The following CACNB2 variants were observed in gnomAD, a reference collection of about 807,000 sequenced individuals.
CACNB2 encodes calcium voltage-gated channel auxiliary subunit beta 2.
Under a neutral mutation model 73.3 loss-of-function variants are expected in CACNB2, and 42 were observed. That is an observed-to-expected ratio of 0.57 (90% confidence interval 0.45 to 0.74). CACNB2 has a LOEUF of 0.74. Ranked by LOEUF, CACNB2 falls within the 30% of genes least tolerant of loss-of-function variation. The pLI is 0.00. For missense variants in CACNB2, 940 were observed against 853.0 expected (o/e 1.10, Z -1.27); for synonymous variants, 348 against 310.3 (o/e 1.12, Z -1.28).
chr10:18,273,876 T>C (rs1308235693), intron 2 of CACNB2, among the ~76,000 whole-genome samples: 2 of 152,220 alleles, frequency 1.3e-5, no homozygotes, highest in Non-Finnish European at 2.9e-5. Flanking sequence ...TTTCATTCCT[T>C]TCAAGGTACA....
chr10:18,360,289 A>G (rs150399768), intron 2 of CACNB2, among the ~76,000 whole-genome samples: 35 of 152,284 alleles, frequency 2.3e-4, no homozygotes, highest in African/African-American at 8.2e-4. Context: ...CAGTAGAGCA[A>G]TAATTACAGC....
intron 3 of CACNB2, among the ~76,000 whole-genome samples, chr10:18,481,192 C>CCATATATATA (rs1228539443): frequency 2.7e-4 from 10 of 36,702 alleles, no homozygotes; most frequent in East Asian, 1.3e-3. Flanking sequence ...TACATCTTCG[C>CCATATATATA]TATATATATA....
rs2049295349 is a variant in CACNB2, at chr10:18,489,663, A to G, written c.334-8692A>G. 1.3e-5 allele frequency among the ~76,000 whole-genome samples: 2 copies of G among 152,174 alleles called. 1 individual carries two copies. The highest frequency in any genetic ancestry group is 2.9e-5 in the Non-Finnish European group (2 of 68,034). On this transcript the variant is annotated intron_variant, in intron 3 of 13. Coordinates refer to ENST00000324631, the MANE Select transcript of CACNB2 (RefSeq NM_201596.3). ...AATGAAATGTAGCAATCTATGTATA[A>G]TATACAGCACATTGTTTGTCCCTTG...
chr10:18,454,936 G>A (rs978273233), intron 3 of CACNB2, among the ~76,000 whole-genome samples: 1 of 151,980 alleles, frequency 6.6e-6, no homozygotes, highest in Non-Finnish European at 1.5e-5. Context: ...CAGCTGCTGT[G>A]GAGGCCAAGG....
At chr10:18,449,247 T>C (rs1303533955) in intron 3 of CACNB2, among the ~76,000 whole-genome samples, 1 of 151,824 alleles carries the variant, frequency 6.6e-6, no homozygotes, top group Non-Finnish European at 1.5e-5. Flanking sequence ...TAGCCGGGCG[T>C]GGTGGCGGGC....
intron 13 of CACNB2, 63 bp from the exon 14 acceptor site, chr10:18,539,167 T>C: frequency 6.2e-7 from 1 of 1,608,504 alleles, no homozygotes; most frequent in Non-Finnish European, 8.5e-7. Context: ...ATGCACTTGC[T>C]CTGGGACATG....
chr10:18,142,050 A>T (rs1420445902), intron 1 of CACNB2, among the ~76,000 whole-genome samples: 1 of 152,222 alleles, frequency 6.6e-6, no homozygotes, highest in Non-Finnish European at 1.5e-5. Context: ...TGACAAGCTA[A>T]TAAAGGTGGC....
chr10:18,500,777 G>A (rs1460082851), intron 4 of CACNB2, 35 bp from the exon 5 acceptor site: 8 of 1,606,738 alleles, frequency 5.0e-6, no homozygotes, highest in Non-Finnish European at 6.8e-6. Flanking sequence ...GACCTTCTGT[G>A]CACTGATTTT....
chr10:18,298,327 G>A (rs1017878014), intron 2 of CACNB2, among the ~76,000 whole-genome samples: 1 of 150,980 alleles, frequency 6.6e-6, no homozygotes, highest in African/African-American at 2.4e-5. Context: ...CCGAGATTAC[G>A]CCATTTCACT....
intron 3 of CACNB2, among the ~76,000 whole-genome samples, chr10:18,435,699 C>T (rs1307751136): frequency 4.0e-5 from 6 of 151,878 alleles, no homozygotes; most frequent in Admixed American, 2.6e-4. Flanking sequence ...GGGGTTTCGC[C>T]ATGTTGCCCA....
intron 3 of CACNB2, among the ~76,000 whole-genome samples, chr10:18,449,245 C>T (rs1222869400): frequency 2.0e-5 from 3 of 151,962 alleles, no homozygotes; most frequent in African/African-American, 7.3e-5. Context: ...ATTAGCCGGG[C>T]GTGGTGGCGG....
At chr10:18,271,570 C>T (rs2038055545) in intron 2 of CACNB2, among the ~76,000 whole-genome samples, 1 of 152,180 alleles carries the variant, frequency 6.6e-6, no homozygotes, top group African/African-American at 2.4e-5. Context: ...TCCCTAACAT[C>T]TTTATCATAT....
chr10:18,253,317 A>C lies in CACNB2; in HGVS notation c.213+102342A>C, dbSNP rs2037160871. The stretch of plus-strand genomic sequence containing the variant: ...GTCAGATACTGGTGGGGCTGAGTAC[A>C]TAGCAATATTTATGACAAGTATGAA... On this transcript the variant is annotated intron_variant, in intron 2 of 13. Transcript: ENST00000324631. 3.3e-5 allele frequency among the ~76,000 whole-genome samples: 5 copies of C among 152,368 alleles called. No individual in the cohort carries two copies. The South Asian group carries it at 1.0e-3, about 32-fold the overall frequency.
chr10:18,400,746 G>C lies in CACNB2; in HGVS notation c.214-1178G>C, dbSNP rs909703369. ...TTATGAGATGCATTAAGTTTAGAAC[G>C]AGTTGATGCTCGGCTTTTGAATGCA... is the stretch of plus-strand genomic sequence containing the variant. On this transcript the variant is annotated intron_variant, in intron 2 of 13. Transcript: ENST00000324631. 3.0e-6 allele frequency: 4 copies of C among 1,322,372 alleles called. No individual in the cohort carries two copies. In the East Asian group the frequency reaches 9.6e-5, roughly 32 times the overall value. 81.9% of individuals were successfully genotyped at this position (1,322,372 alleles called of 1,614,324 possible).
At chr10:18,145,242 C>G (rs2030845399) in intron 1 of CACNB2, among the ~76,000 whole-genome samples, 1 of 152,218 alleles carries the variant, frequency 6.6e-6, no homozygotes, top group Non-Finnish European at 1.5e-5. Flanking sequence ...AGAGTAGCAG[C>G]TGTTTTCTAG....
chr10:18,396,457 T>C (rs990162152), intron 2 of CACNB2, among the ~76,000 whole-genome samples: 1 of 152,174 alleles, frequency 6.6e-6, no homozygotes, highest in African/African-American at 2.4e-5. Flanking sequence ...CCTGGCCCGC[T>C]GAAGTCTATC....
At chr10:18,492,355 T>G (rs11014496) in intron 3 of CACNB2, among the ~76,000 whole-genome samples, 7,283 of 152,128 alleles carry the variant, frequency 0.048, 292 homozygotes, top group African/African-American at 0.11. Flanking sequence ...GCGTGGTGGC[T>G]CACACCTGTA....
intron 2 of CACNB2, among the ~76,000 whole-genome samples, chr10:18,259,471 A>G (rs944987554): frequency 7.3e-5 from 11 of 150,424 alleles, no homozygotes; most frequent in African/African-American, 2.7e-4. Flanking sequence ...TTGGGAGGCC[A>G]AGCTTGGCAG....
chr10:18,146,960 T>C (rs2031053117), intron 1 of CACNB2, among the ~76,000 whole-genome samples: 1 of 152,136 alleles, frequency 6.6e-6, no homozygotes, highest in South Asian at 2.1e-4. Context: ...TGGGAAGTAA[T>C]CTGTAGGTAG....
Sources: gnomAD v4.1 joint callset for allele counts (sites outside exome capture counted in the v4.1 genomes callset) on GRCh38, gnomAD v4.1.1 for gene constraint, MANE v1.5 for transcripts, NCBI Gene and HGNC (gene_info 2026-07-23, HGNC 2026-07-21) for gene names.